The following YJU2 variants were observed in gnomAD, a reference collection of about 807,000 sequenced individuals.
The protein encoded by YJU2 is splicing factor YJU2.
In YJU2, 28 loss-of-function variants were observed where a neutral mutation model predicts 39.6. The observed-to-expected ratio is 0.71, with a 90% CI of 0.52 to 0.97. The LOEUF is 0.97. Among genes scored for constraint, YJU2 ranks in the 50% least tolerant of loss-of-function variants. The probability of loss-of-function intolerance (pLI) is 0.00; values close to 1 mark genes in which losing one functional copy is unlikely to be tolerated. For synonymous variants in YJU2, 184 were observed against 182.4 expected, an observed-to-expected ratio of 1.01 and a Z score of -0.07; for missense variants, 328 against 430.4, an observed-to-expected ratio of 0.76 and a Z score of 2.11.
rs1171206875 is a variant in YJU2 at position 4,247,098 on chromosome 19, C to G, written c.-49C>G. 1.3e-6 allele frequency: 2 copies of G among 1,586,800 alleles called. No individual in the cohort carries two copies. The highest frequency in any genetic ancestry group is 8.7e-7 in the Non-Finnish European group (1 of 1,155,084). The stretch of plus-strand genomic sequence containing the variant: ...TTCCGTCGGAAAAGCTCGATAATTA[C>G]CCAGCCTAACCATTTCTCAGGTGCT... On this transcript the variant is annotated 5_prime_UTR_variant, in exon 1 of 8. Coordinates refer to ENST00000262962, the MANE Select transcript of YJU2 (RefSeq NM_018074.6).
intron 6 of YJU2, among the ~76,000 whole-genome samples, chr19:4,266,271 G>A (rs1971114867): frequency 6.6e-6 from 1 of 152,062 alleles, no homozygotes; most frequent in African/African-American, 2.4e-5. Context: ...CTTTAAGGAG[G>A]CCTCTCCACC....
Position 4,267,655 on chromosome 19 carries a change from G to T in YJU2, c.740G>T (p.Trp247Leu). 6.2e-7 allele frequency: 1 copy of T among 1,613,490 alleles called. No homozygotes were observed. Among genetic ancestry groups the T allele is most frequent in the Non-Finnish European group, 8.5e-7 (1 of 1,179,928 alleles). ...APKPKRKVEVWEQSVGSLGSR... is the reference protein window; with the variant it reads ...APKPKRKVEVLEQSVGSLGSR... ...AAGCCCAAGAGGAAGGTGGAGGTCT[G>T]GGAGCAGAGCGTTGGCAGCCTGGGC... Residue 247 changes from tryptophan (W) to leucine (L), a missense_variant, in exon 7 of 8, where the codon TGG becomes TTG. Trp to Leu is a moderately conservative substitution (Grantham distance 61). Transcript: ENST00000262962.
At chr19:4,264,094 C>G (rs1971095464) in intron 6 of YJU2, among the ~76,000 whole-genome samples, 1 of 151,472 alleles carries the variant, frequency 6.6e-6, no homozygotes, top group African/African-American at 2.4e-5. Context: ...AACCCCATCT[C>G]TGCTAAAAAT....
intron 4 of YJU2, among the ~76,000 whole-genome samples, chr19:4,257,318 G>C (rs1408755304): frequency 6.6e-6 from 1 of 152,128 alleles, no homozygotes; most frequent in Non-Finnish European, 1.5e-5. Context: ...TTTTGAGATA[G>C]AGTCTCGCTC....
rs1568359705 is a variant in YJU2 at position 4,247,657 on chromosome 19, GTGTGT to G, written c.24+488_24+492del. Among the ~76,000 whole-genome samples the G allele has an allele frequency of 2.0e-3, 141 of 71,300 alleles. 10 individuals are homozygous for G. Among genetic ancestry groups the G allele is most frequent in the African/African-American group, 3.9e-3 (55 of 13,952 alleles). 46.8% of individuals were successfully genotyped at this position (71,300 alleles called of 152,430 possible). ...TGTGTGTGTGTGTGTGTGTGTGTGT[GTGTGT>G]GTGTGTGTGTGTGTGTGTGTGTGTG... On this transcript the variant is annotated intron_variant, in intron 1 of 7. Coordinates refer to ENST00000262962, the MANE Select transcript of YJU2 (RefSeq NM_018074.6).
At chr19:4,247,357 C>A (rs11668712) in intron 1 of YJU2, 187 bp downstream of exon 1, 1 of 572,488 alleles carries the variant, frequency 1.7e-6, no homozygotes, top group Non-Finnish European at 3.1e-6. Flanking sequence ...TGGGCCTTCG[C>A]TAAGTCTCCC....
intron 4 of YJU2, among the ~76,000 whole-genome samples, chr19:4,255,849 A>G (rs1297258561): frequency 6.6e-6 from 1 of 151,980 alleles, no homozygotes; most frequent in Non-Finnish European, 1.5e-5. Context: ...TCTACTAAAA[A>G]TACAAAAATT....
intron 6 of YJU2, among the ~76,000 whole-genome samples, chr19:4,266,857 T>C (rs1971119510): frequency 6.6e-6 from 1 of 152,108 alleles, no homozygotes; most frequent in Non-Finnish European, 1.5e-5. Flanking sequence ...GGCGTGCACC[T>C]GCAGGAGGCT....
intron 4 of YJU2, 92 bp downstream of exon 4, chr19:4,254,581 A>C: frequency 6.9e-7 from 1 of 1,442,374 alleles, no homozygotes; most frequent in Non-Finnish European, 9.1e-7. Context: ...TCAGGTCCCC[A>C]AGGAAGGAAG....
At chr19:4,258,605 C>G (rs539771622) in intron 5 of YJU2, among the ~76,000 whole-genome samples, 182 bp downstream of exon 5, 1 of 152,232 alleles carries the variant, frequency 6.6e-6, no homozygotes, top group Non-Finnish European at 1.5e-5. Flanking sequence ...CACTGCCGGG[C>G]ACGGTGACTT....
chr19:4,249,432 CT>C, intron 2 of YJU2, 104 bp downstream of exon 2: 1 of 700,170 alleles, frequency 1.4e-6, no homozygotes. Flanking sequence ...GATCACTGGT[CT>C]TAGACATTGT....
intron 6 of YJU2, among the ~76,000 whole-genome samples, chr19:4,265,231 C>G (rs944435321): frequency 6.6e-6 from 1 of 151,982 alleles, no homozygotes; most frequent in Non-Finnish European, 1.5e-5. Context: ...TATCTCCACA[C>G]TTGCGTTTTC....
chr19:4,253,580 C>CA (rs1970995354), intron 3 of YJU2, among the ~76,000 whole-genome samples: 1 of 151,610 alleles, frequency 6.6e-6, no homozygotes, highest in African/African-American at 2.4e-5. Context: ...GACCCTGTCC[C>CA]CAAAAAAATA....
At chr19:4,249,181 C>A in intron 1 of YJU2, 47 bp from the exon 2 acceptor site, 3 of 1,351,116 alleles carry the variant, frequency 2.2e-6, no homozygotes, top group Non-Finnish European at 3.1e-6. Flanking sequence ...ATGTCCTGCC[C>A]CTGCTTCTGA....
At chr19:4,247,580 C>CGT (rs202183584) in intron 1 of YJU2, among the ~76,000 whole-genome samples, 7 of 46,236 alleles carry the variant, frequency 1.5e-4, no homozygotes, top group Admixed American at 5.0e-4. Flanking sequence ...GGTGGGGTGG[C>CGT]GCGTGTGTGT....
chr19:4,266,914 C>CT (rs1320959707), intron 6 of YJU2, among the ~76,000 whole-genome samples: 3 of 152,172 alleles, frequency 2.0e-5, no homozygotes, highest in African/African-American at 7.2e-5. Context: ...CTGCAGTGAG[C>CT]TATGATTGCA....
At chr19:4,256,181 A>AAATATATATAT (rs1001505791) in intron 4 of YJU2, among the ~76,000 whole-genome samples, 3 of 125,898 alleles carry the variant, frequency 2.4e-5, no homozygotes, top group African/African-American at 9.3e-5. Flanking sequence ...AAAAAAAAAA[A>AAATATATATAT]ATATATATAT....
At chr19:4,251,214 C>T (rs769512984) in intron 3 of YJU2, 43 bp downstream of exon 3, 4 of 1,600,148 alleles carry the variant, frequency 2.5e-6, no homozygotes, top group Non-Finnish European at 3.4e-6. Flanking sequence ...TCCCCCAGCA[C>T]ACCTCAGATC....
chr19:4,267,593 A>AGTGT, intron 6 of YJU2, 31 bp from the exon 7 acceptor site: 8 of 1,605,150 alleles, frequency 5.0e-6, no homozygotes, highest in Non-Finnish European at 6.8e-6. Flanking sequence ...GATCCGGGCC[A>AGTGT]GACCCCCACA....
Sources: allele counts gnomAD v4.1 joint callset (sites outside exome capture counted in the v4.1 genomes callset), GRCh38; gene constraint gnomAD v4.1.1; transcripts MANE v1.5; gene names NCBI Gene and HGNC (gene_info 2026-07-23, HGNC 2026-07-21).